Variants in UPRT observed in about 807,000 individuals in gnomAD.
UPRT encodes the protein RP11-311P8.3.
In UPRT, 5 loss-of-function variants were observed where a neutral mutation model predicts 22.6. That is an observed-to-expected ratio of 0.22 (90% confidence interval 0.12 to 0.47). The LOEUF is 0.47. Among genes scored for constraint, UPRT ranks in the 20% least tolerant of loss-of-function variants. The probability of loss-of-function intolerance (pLI) is 0.99; values close to 1 mark genes in which losing one functional copy is unlikely to be tolerated. For synonymous variants in UPRT, 77 were observed against 87.7 expected (o/e 0.88, Z 0.68); for missense variants, 181 against 239.9 (o/e 0.75, Z 1.62).
Position 75,189,205 on chromosome X carries a change from G to T in UPRT, c.-447+21326G>T, listed in dbSNP as rs147202975. ...TGTCTTTTTTCTCATTGGTTTCAAA[G>T]AACATCTTTATTTGTGCCTTTGTTT... On this transcript the variant is annotated intron_variant, in intron 4 of 13. Coordinates refer to the UPRT transcript ENST00000652605. Among the ~76,000 whole-genome samples the T allele has an allele frequency of 4.6e-3, 521 of 112,050 alleles. 4 individuals carry two copies. The highest frequency in any genetic ancestry group is 0.016 in the African/African-American group (493 of 30,838).
intron 4 of UPRT, among the ~76,000 whole-genome samples, chrX:75,233,912 C>T (rs1470530529): frequency 2.7e-5 from 3 of 110,278 alleles, no homozygotes; most frequent in Non-Finnish European, 5.7e-5. Context: ...ATCATAAAGA[C>T]AGGATCAAAT....
At chrX:75,221,784 T>C (rs1412208934) in intron 4 of UPRT, among the ~76,000 whole-genome samples, 1 of 112,082 alleles carries the variant, frequency 8.9e-6, no homozygotes, top group Non-Finnish European at 1.9e-5. Context: ...TTCTGAAAGG[T>C]CACATTTATT....
At chrX:75,258,862 C>T (rs187247398) in intron 4 of UPRT, among the ~76,000 whole-genome samples, 2 of 111,756 alleles carry the variant, frequency 1.8e-5, no homozygotes, top group African/African-American at 6.5e-5. Flanking sequence ...ACACCTCATA[C>T]AGGAGAGCTC....
intron 4 of UPRT, among the ~76,000 whole-genome samples, chrX:75,190,440 C>T (rs1448063233): frequency 9.0e-6 from 1 of 111,677 alleles, no homozygotes; most frequent in Non-Finnish European, 1.9e-5. Flanking sequence ...TTCGGTGAAT[C>T]TGTCAATTAT....
chrX:75,244,301 T>C (rs2082497133), intron 4 of UPRT, among the ~76,000 whole-genome samples: 1 of 111,993 alleles, frequency 8.9e-6, no homozygotes, highest in Non-Finnish European at 1.9e-5. Context: ...GATTCCTGTA[T>C]GGAAAAATAA....
At chrX:75,283,588 TTTTG>T (rs766544686) in intron 1 of UPRT, among the ~76,000 whole-genome samples, 10 of 111,368 alleles carry the variant, frequency 9.0e-5, no homozygotes, top group Non-Finnish European at 1.1e-4. Flanking sequence ...TTGGCTGATT[TTTTG>T]TTTGTTTGTT....
intron 2 of UPRT, among the ~76,000 whole-genome samples, chrX:75,295,211 A>G (rs1241620210): frequency 1.8e-5 from 2 of 110,040 alleles, no homozygotes; most frequent in East Asian, 2.9e-4. Context: ...TGGCCCTCAG[A>G]TCCTTGGGTT....
At chrX:75,286,250 T>G (rs1296607002) in intron 1 of UPRT, among the ~76,000 whole-genome samples, 1 of 103,866 alleles carries the variant, frequency 9.6e-6, no homozygotes, top group African/African-American at 3.6e-5. Flanking sequence ...ATGAATAATT[T>G]TTTATGTTAA....
chrX:75,196,874 T>A (rs1171449711), intron 4 of UPRT, among the ~76,000 whole-genome samples: 2 of 111,105 alleles, frequency 1.8e-5, no homozygotes, highest in Non-Finnish European at 3.8e-5. Context: ...ATAATAATAA[T>A]AAAAGTGATG....
At chrX:75,273,856 C>T (rs1054963162), upstream of UPRT, among the ~76,000 whole-genome samples, 5 of 111,820 alleles carry the variant, frequency 4.5e-5, no homozygotes, top group Admixed American at 9.5e-5. Context: ...CCAGTTTTTC[C>T]TGGCTCTACT....
In UPRT at chrX:75,259,808, T is replaced by C. The variant is rs1379583448; in HGVS notation, c.-446-31216T>C. Among the ~76,000 whole-genome samples the C allele has an allele frequency of 2.4e-4, 27 of 110,468 alleles. 1 individual carries two copies. The Admixed American group carries it at 2.6e-3, about 11-fold the overall frequency. On this transcript the variant is annotated intron_variant, in intron 4 of 13. Coordinates refer to the UPRT transcript ENST00000652605. The stretch of plus-strand genomic sequence containing the variant: ...AGCAACCCCAAGACACATAATAGAT[T>C]CACCAAGGTTGAAATGAAGGAAAAA...
chrX:75,206,498 G>A (rs752380881), intron 4 of UPRT, among the ~76,000 whole-genome samples: 5 of 110,795 alleles, frequency 4.5e-5, no homozygotes, highest in Admixed American at 1.9e-4. Context: ...GCCAATAACC[G>A]GCATAAAAAT....
upstream of UPRT, chrX:75,274,015 A>G: frequency 2.6e-6 from 1 of 381,084 alleles, no homozygotes; most frequent in East Asian, 4.2e-5. Flanking sequence ...GTGGCGCCGC[A>G]GAGTGGCGGG....
intron 2 of UPRT, among the ~76,000 whole-genome samples, chrX:75,162,964 C>T (rs1203129342): frequency 1.8e-5 from 2 of 111,842 alleles, no homozygotes; most frequent in South Asian, 3.8e-4. Context: ...CATTTATTAT[C>T]TCACTATTTC....
intron 4 of UPRT, among the ~76,000 whole-genome samples, chrX:75,266,669 G>T (rs1293379848): frequency 9.0e-6 from 1 of 111,291 alleles, no homozygotes; most frequent in African/African-American, 3.3e-5. Flanking sequence ...CAGAATGAGA[G>T]AAAATGTTTG....
At chrX:75,193,157 C>G (rs1215234965) in intron 4 of UPRT, among the ~76,000 whole-genome samples, 1 of 111,840 alleles carries the variant, frequency 8.9e-6, no homozygotes, top group Admixed American at 9.5e-5. Context: ...TAAGGCAGTA[C>G]TGGTAGTAAT....
At chrX:75,198,337 A>G (rs938804428) in intron 4 of UPRT, among the ~76,000 whole-genome samples, 2 of 112,538 alleles carry the variant, frequency 1.8e-5, no homozygotes, top group African/African-American at 6.5e-5. Flanking sequence ...AAAATGTCAA[A>G]TAGCTCGATA....
At chrX:75,164,609 T>A (rs978056361) in intron 3 of UPRT, among the ~76,000 whole-genome samples, 2 of 112,197 alleles carry the variant, frequency 1.8e-5, no homozygotes, top group African/African-American at 6.5e-5. Context: ...GATTGCCTAG[T>A]GCTGGGGAAT....
chrX:75,272,305 T>TA (rs1569279396), upstream of UPRT, among the ~76,000 whole-genome samples: 1 of 15,640 alleles, frequency 6.4e-5, no homozygotes, highest in Non-Finnish European at 5.6e-4. Context: ...TATGTGTATA[T>TA]ATATGTGTAT....
Sources: allele counts gnomAD v4.1 joint callset (sites outside exome capture counted in the v4.1 genomes callset), GRCh38; gene constraint gnomAD v4.1.1; transcripts MANE v1.5; gene names NCBI Gene and HGNC (gene_info 2026-07-23, HGNC 2026-07-21).